The following FRMD4A variants were observed in gnomAD, a reference collection of about 807,000 sequenced individuals.
The protein encoded by FRMD4A is FERM domain-containing protein 4A.
In FRMD4A, 29 loss-of-function variants were observed where a neutral mutation model predicts 129.1. The observed-to-expected ratio is 0.22, with a 90% CI of 0.17 to 0.31. The LOEUF is 0.31. Among genes scored for constraint, FRMD4A ranks in the 10% least tolerant of loss-of-function variants. FRMD4A has a pLI of 1.00. For synonymous variants in FRMD4A, 634 were observed against 571.6 expected (o/e 1.11, Z -1.56); for missense variants, 1,272 against 1,375.8 (o/e 0.92, Z 1.19).
intron 2 of FRMD4A, among the ~76,000 whole-genome samples, chr10:14,028,185 A>G (rs929150781): frequency 2.6e-5 from 4 of 152,238 alleles, no homozygotes; most frequent in African/African-American, 9.6e-5. Context: ...TCAAATGTGA[A>G]CATTCATTTG....
intron 2 of FRMD4A, among the ~76,000 whole-genome samples, chr10:14,144,211 G>A (rs895845880): frequency 1.3e-5 from 2 of 152,132 alleles, no homozygotes; most frequent in Non-Finnish European, 2.9e-5. Context: ...CTTTTTGACA[G>A]GAGGTTGTGT....
chr10:13,793,655 T>C (rs902269802), intron 5 of FRMD4A, among the ~76,000 whole-genome samples: 2 of 152,144 alleles, frequency 1.3e-5, no homozygotes, highest in African/African-American at 2.4e-5. Context: ...AGCCCAACCG[T>C]GCTTCTGTTT....
intron 2 of FRMD4A, among the ~76,000 whole-genome samples, chr10:14,235,933 T>C (rs559246028): frequency 1.3e-5 from 2 of 152,342 alleles, no homozygotes; most frequent in African/African-American, 4.8e-5. Flanking sequence ...CAAACTTTGA[T>C]ATTTAAAGAT....
chr10:14,061,161 A>T (rs1834791442), intron 2 of FRMD4A, among the ~76,000 whole-genome samples: 1 of 152,216 alleles, frequency 6.6e-6, no homozygotes, highest in Non-Finnish European at 1.5e-5. Context: ...TTAAAAGCAC[A>T]TTTAGGCCGG....
At position 14,005,430 on chromosome 10, in the gene FRMD4A, G is replaced by T. The variant is rs141986566; in HGVS notation, c.46-146518C>A. On this transcript the variant is annotated intron_variant, in intron 2 of 24. Coordinates refer to ENST00000357447, the MANE Select transcript of FRMD4A (RefSeq NM_018027.5). ...AAGCCTGGTCTCTCAGGATTTGGTG[G>T]ATGTCTAAGTTGCAGGGTTAAGAAG... Among the ~76,000 whole-genome samples the T allele has an allele frequency of 4.6e-5, 7 of 152,278 alleles. No individual in the cohort carries two copies. The East Asian group carries it at 1.4e-3, about 29-fold the overall frequency.
intron 17 of FRMD4A, among the ~76,000 whole-genome samples, chr10:13,669,006 A>AAGG (rs999385692): frequency 1.3e-5 from 2 of 151,310 alleles, no homozygotes; most frequent in African/African-American, 4.9e-5. Context: ...CCCAAGAAGT[A>AAGG]AGGGCTATGA....
chr10:13,891,781 G>A lies in FRMD4A; in HGVS notation c.46-32869C>T, dbSNP rs565696469. ...GAGCCCCCGCCCCGTCCCCGCCGCC[G>A]CCCCCGCCGCGGGCCCTCGGCGTCA... On this transcript the variant is annotated intron_variant, in intron 2 of 24. Coordinates refer to ENST00000357447, the MANE Select transcript of FRMD4A (RefSeq NM_018027.5). The A allele has an allele frequency of 1.8e-3, 1,762 of 961,384 alleles. 30 individuals are homozygous for A. In the African/African-American group the frequency reaches 0.03, roughly 17 times the overall value. The allele number at this position is 961,384 out of a possible 1,614,324, so 59.6% of individuals were successfully genotyped here.
chr10:13,951,736 A>G (rs1052106398), intron 2 of FRMD4A, among the ~76,000 whole-genome samples: 1 of 151,822 alleles, frequency 6.6e-6, no homozygotes, highest in African/African-American at 2.4e-5. Context: ...CTAAAAATAC[A>G]AAAATTAGCC....
At chr10:13,688,533 T>A (rs1389115997) in intron 15 of FRMD4A, among the ~76,000 whole-genome samples, 1 of 151,600 alleles carries the variant, frequency 6.6e-6, no homozygotes, top group African/African-American at 2.4e-5. Context: ...ACCCTAAAAC[T>A]TAAAGTATAA....
intron 2 of FRMD4A, among the ~76,000 whole-genome samples, chr10:14,168,474 A>G (rs997144587): frequency 1.3e-5 from 2 of 152,202 alleles, no homozygotes; most frequent in African/African-American, 4.8e-5. Context: ...TTACTCTTCA[A>G]AGGAATCTGT....
chr10:13,820,707 A>G (rs532185692), intron 3 of FRMD4A, among the ~76,000 whole-genome samples: 86 of 152,188 alleles, frequency 5.7e-4, no homozygotes, highest in Non-Finnish European at 1.2e-3. Context: ...CAGAGCCCCC[A>G]GTGACTGCTA....
chr10:13,890,257 T>C (rs2698130), intron 2 of FRMD4A, among the ~76,000 whole-genome samples: 147,131 of 152,290 alleles, frequency 0.97, 71,283 homozygotes, highest in East Asian at 1. Context: ...TTCCTCTCCC[T>C]GACTGCTGCC....
intron 5 of FRMD4A, among the ~76,000 whole-genome samples, chr10:13,793,408 A>G (rs11258620): frequency 0.42 from 63,552 of 151,954 alleles, 14,156 homozygotes; most frequent in African/African-American, 0.58. Flanking sequence ...CTAACTTCAG[A>G]TGATCCACCC....
chr10:13,666,945 T>C (rs1167669316), intron 17 of FRMD4A, among the ~76,000 whole-genome samples: 2 of 148,910 alleles, frequency 1.3e-5, no homozygotes, highest in African/African-American at 5.0e-5. Flanking sequence ...TGGATCTTGC[T>C]CTGTCACCCA....
chr10:14,291,944 G>T (rs892376469), intron 2 of FRMD4A, among the ~76,000 whole-genome samples: 4 of 151,910 alleles, frequency 2.6e-5, no homozygotes, highest in Non-Finnish European at 5.9e-5. Context: ...ATGTATTAAA[G>T]CTACCATCAT....
At chr10:14,001,429 G>T (rs1406005778) in intron 2 of FRMD4A, among the ~76,000 whole-genome samples, 1 of 152,144 alleles carries the variant, frequency 6.6e-6, no homozygotes, top group Non-Finnish European at 1.5e-5. Context: ...GAAACGCCTG[G>T]GAGTCCTGAC....
chr10:13,868,533 C>G lies in FRMD4A; in HGVS notation c.46-9621G>C, dbSNP rs144339848. 5.3e-5 allele frequency among the ~76,000 whole-genome samples: 8 copies of G among 151,994 alleles called. No individual in the cohort carries two copies. The South Asian group carries it at 1.7e-3, about 32-fold the overall frequency. On this transcript the variant is annotated intron_variant, in intron 2 of 24. Coordinates refer to ENST00000357447, the MANE Select transcript of FRMD4A (RefSeq NM_018027.5). ...CATACGCAGGTGTGGCCAGGCACGGCGGCTCACTACTGTAATGCCAGCACT... is the reference window on the plus strand; with the variant it reads ...CATACGCAGGTGTGGCCAGGCACGGGGGCTCACTACTGTAATGCCAGCACT...
chr10:13,912,621 C>CG (rs2094954507), intron 2 of FRMD4A, among the ~76,000 whole-genome samples: 1 of 148,542 alleles, frequency 6.7e-6, no homozygotes, highest in African/African-American at 2.5e-5. Flanking sequence ...CTCCGCCTCC[C>CG]GAGTTCACGC....
intron 12 of FRMD4A, among the ~76,000 whole-genome samples, chr10:13,716,402 CGGCAGATCACT>C (rs1292696318): frequency 2.6e-5 from 4 of 152,184 alleles, no homozygotes; most frequent in Non-Finnish European, 5.9e-5. Flanking sequence ...CAAACAATGA[CGGCAGATCACT>C]GGCTTCCTAA....
Sources: gnomAD v4.1 joint callset for allele counts (sites outside exome capture counted in the v4.1 genomes callset) on GRCh38, gnomAD v4.1.1 for gene constraint, MANE v1.5 for transcripts, NCBI Gene and HGNC (gene_info 2026-07-23, HGNC 2026-07-21) for gene names.